The following SRSF4 variants were observed in gnomAD, a reference collection of about 807,000 sequenced individuals.
SRSF4 encodes the protein serine/arginine-rich splicing factor 4.
A neutral mutation model predicts 48.8 loss-of-function variants in SRSF4; 12 were observed. That is an observed-to-expected ratio of 0.25 (90% CI 0.16 to 0.40). The LOEUF (loss-of-function observed/expected upper bound fraction) is 0.40. Ranked by LOEUF, SRSF4 falls within the 10% of genes least tolerant of loss-of-function variation. SRSF4 has a pLI of 1.00. For missense variants in SRSF4, 466 were observed against 667.1 expected, an observed-to-expected ratio of 0.70 and a Z score of 3.32; for synonymous variants, 248 against 232.5, an observed-to-expected ratio of 1.07 and a Z score of -0.61.
At chr1:29,161,175 A>G (rs1175861366) in intron 1 of SRSF4, among the ~76,000 whole-genome samples, 1 of 152,202 alleles carries the variant, frequency 6.6e-6, no homozygotes, top group Non-Finnish European at 1.5e-5. Flanking sequence ...CATCTTTTCC[A>G]GCCAAGAGGT....
chr1:29,150,128 G>T lies in SRSF4; in HGVS notation c.643C>A (p.His215Asn), dbSNP rs368405097. The T allele has an allele frequency of 3.7e-5, 60 of 1,613,840 alleles. No homozygotes were observed. The highest frequency in any genetic ancestry group is 4.8e-5 in the Non-Finnish European group (57 of 1,179,968). The change falls in exon 5 of 6, where the codon CAT becomes AAT. Residue 215 changes from histidine (H) to asparagine (N), a missense_variant. Physicochemically the swap from His to Asn is moderately conservative, Grantham distance 68. Coordinates refer to ENST00000373795, the MANE Select transcript of SRSF4 (RefSeq NM_005626.5). The part of the protein sequence containing the change: ...RSRSGSSKSS[H>N]SKSRSRSRSG... ...CTGGACCGAGATCTACTCTTAGAAT[G>T]ACTGCTTTTGCTGCTGCCACTTCGG...
intron 1 of SRSF4, chr1:29,170,663 TG>T (rs2151821567): frequency 6.6e-6 from 1 of 152,348 alleles, no homozygotes; most frequent in South Asian, 2.1e-4. Context: ...TTAAAATGGA[TG>T]GATCAATAGC....
chr1:29,152,616 TTAGA>T (rs1406633068), intron 4 of SRSF4, among the ~76,000 whole-genome samples: 2 of 152,020 alleles, frequency 1.3e-5, no homozygotes, highest in African/African-American at 4.8e-5. Flanking sequence ...CCCTTTTCTG[TTAGA>T]TAGATAGGCA....
chr1:29,158,278 T>C (rs13353036), intron 3 of SRSF4, among the ~76,000 whole-genome samples: 1 of 152,106 alleles, frequency 6.6e-6, no homozygotes, highest in Non-Finnish European at 1.5e-5. Flanking sequence ...AAAAACCTTA[T>C]GAAAAAACAT....
chr1:29,175,150 G>T (rs1201246046), intron 1 of SRSF4, among the ~76,000 whole-genome samples: 2 of 151,876 alleles, frequency 1.3e-5, no homozygotes, highest in African/African-American at 4.8e-5. Context: ...GGCCAGGTGT[G>T]GTGGCTCACG....
chr1:29,177,604 A>G (rs1400454491), intron 1 of SRSF4, among the ~76,000 whole-genome samples: 2 of 151,978 alleles, frequency 1.3e-5, no homozygotes, highest in East Asian at 3.9e-4. Flanking sequence ...CTTGAAGTTT[A>G]TGGGGCGGGT....
chr1:29,160,288 T>G (rs1250487600), intron 2 of SRSF4, 87 bp downstream of exon 2: 1 of 1,425,476 alleles, frequency 7.0e-7, no homozygotes, highest in Non-Finnish European at 9.3e-7. Flanking sequence ...ATCAATACGT[T>G]TAAATGTAAT....
intron 1 of SRSF4, among the ~76,000 whole-genome samples, chr1:29,175,687 GCTGT>G (rs1672830178): frequency 1.7e-5 from 1 of 59,892 alleles, no homozygotes. Flanking sequence ...AGAGCCAGAC[GCTGT>G]CTCAAAAAAA....
At chr1:29,154,492 T>C (rs1312950544) in intron 4 of SRSF4, 1 of 586,728 alleles carries the variant, frequency 1.7e-6, no homozygotes, top group South Asian at 2.3e-5. Context: ...AGGCCTCTGA[T>C]TTCTAAGAGA....
chr1:29,154,941 G>C, intron 3 of SRSF4, 31 bp from the exon 4 acceptor site: 2 of 1,582,674 alleles, frequency 1.3e-6, no homozygotes, highest in South Asian at 2.3e-5. Context: ...GACTACATTA[G>C]GATATGTTTT....
Position 29,148,362 on chromosome 1 carries a change from A to C in SRSF4, c.*48T>G. 6.4e-7 allele frequency: 1 copy of C among 1,554,308 alleles called. No individual in the cohort carries two copies. Among genetic ancestry groups the C allele is most frequent in the Non-Finnish European group, 8.7e-7 (1 of 1,151,082 alleles). On this transcript the variant is annotated 3_prime_UTR_variant, in exon 6 of 6. Transcript: ENST00000373795. ...CAATCACTTGTGCTACGGCTACCAA[A>C]CATGTACAAAAGACTTCTCGGGTAG... is the stretch of plus-strand genomic sequence containing the variant.
intron 1 of SRSF4, among the ~76,000 whole-genome samples, chr1:29,180,362 T>C (rs1672936584): frequency 6.6e-6 from 1 of 152,238 alleles, no homozygotes; most frequent in Admixed American, 6.5e-5. Context: ...GGAGTAGTTT[T>C]TAAAGCCTTT....
intron 3 of SRSF4, among the ~76,000 whole-genome samples, chr1:29,157,363 A>G (rs1354701192): frequency 6.6e-6 from 1 of 152,208 alleles, no homozygotes; most frequent in Non-Finnish European, 1.5e-5. Flanking sequence ...AGTTAATTTA[A>G]TATTACATTT....
chr1:29,178,748 A>C (rs1412072684), intron 1 of SRSF4, among the ~76,000 whole-genome samples: 1 of 152,146 alleles, frequency 6.6e-6, no homozygotes, highest in East Asian at 1.9e-4. Context: ...AAGCTTACAT[A>C]CGTAGCTAAG....
chr1:29,149,995 T>C (rs1237812481), intron 5 of SRSF4, 108 bp downstream of exon 5: 9 of 913,868 alleles, frequency 9.8e-6, no homozygotes, highest in Non-Finnish European at 1.6e-5. Flanking sequence ...ACCACTGGAC[T>C]CCAGCTTGGG....
chr1:29,159,550 A>T, intron 2 of SRSF4, 64 bp from the exon 3 acceptor site: 1 of 1,103,880 alleles, frequency 9.1e-7, no homozygotes, highest in South Asian at 1.3e-5. Context: ...ATGACACAGC[A>T]CACACCCCCC....
intron 4 of SRSF4, among the ~76,000 whole-genome samples, chr1:29,154,126 T>G (rs969919442): frequency 1.4e-4 from 21 of 152,054 alleles, no homozygotes; most frequent in South Asian, 4.1e-4. Context: ...CAATCTCGGC[T>G]CACTGCAACC....
At chr1:29,153,599 C>T (rs1486225815) in intron 4 of SRSF4, among the ~76,000 whole-genome samples, 2 of 149,756 alleles carry the variant, frequency 1.3e-5, no homozygotes, top group Non-Finnish European at 3.0e-5. Context: ...CTCTGATTTC[C>T]ATTTTTTTTT....
chr1:29,175,694 CAAAAAAAAAAAAAA>C (rs60942124), intron 1 of SRSF4, among the ~76,000 whole-genome samples: 3 of 38,604 alleles, frequency 7.8e-5, no homozygotes, highest in African/African-American at 1.3e-4. Context: ...GACGCTGTCT[CAAAAAAAAAAAAAA>C]AAAAAAAAAA....
Sources: allele counts gnomAD v4.1 joint callset (sites outside exome capture counted in the v4.1 genomes callset), GRCh38; gene constraint gnomAD v4.1.1; transcripts MANE v1.5; gene names NCBI Gene and HGNC (gene_info 2026-07-23, HGNC 2026-07-21).